ABI3: variants seen among roughly 807,000 people sequenced by gnomAD.
ABI3 encodes ABI gene family member 3.
Under a neutral mutation model 37.0 loss-of-function variants are expected in ABI3, and 24 were observed. The observed-to-expected ratio is 0.65, with a 90% CI of 0.47 to 0.91. The LOEUF (loss-of-function observed/expected upper bound fraction) is 0.91, where lower values mean the gene tolerates loss of function less well. Ranked by LOEUF, ABI3 falls within the 40% of genes least tolerant of loss-of-function variation. ABI3 has a pLI of 0.00. For synonymous variants in ABI3, 220 were observed against 211.8 expected (o/e 1.04, Z -0.34); for missense variants, 481 against 485.1 (o/e 0.99, Z 0.08).
In ABI3 at chr17:49,210,879, C is replaced by A. The variant is rs1006726595; in HGVS notation, c.117+38C>A. Reference sequence around the variant, plus strand: ...GGCGGAAGCCTGACACCCCAGCCCCCGGAGGGGGGACCCTGAGCCCTGCCC... The same window carrying A: ...GGCGGAAGCCTGACACCCCAGCCCCAGGAGGGGGGACCCTGAGCCCTGCCC... On this transcript the variant is annotated intron_variant, in intron 1 of 7. Transcript: ENST00000225941. This position sits in a 1 kb window ranked among gnomAD's most constrained non-coding sequence, Gnocchi z 4.2. 1.3e-6 allele frequency: 2 copies of A among 1,510,260 alleles called. No individual in the cohort carries two copies. Among genetic ancestry groups the A allele is most frequent in the East Asian group, 5.0e-5 (2 of 40,334 alleles). The allele number at this position is 1,510,260 out of a possible 1,614,324, so 93.6% of individuals were successfully genotyped here.
rs373914651 is a variant in ABI3 at position 49,219,635 on chromosome 17, C to T, written c.548+10C>T. On this transcript the variant is annotated intron_variant, in intron 4 of 7. Coordinates refer to ENST00000225941, the MANE Select transcript of ABI3 (RefSeq NM_016428.3). This position sits in a 1 kb window ranked among gnomAD's most constrained non-coding sequence, Gnocchi z 4.3. ...CCTCCGCCACCTTGGGGTGAGGCCT[C>T]GCCGCGACGCCAACTAGCCTAGCCC... 58 of 1,590,496 alleles carry T rather than the reference C, an allele frequency of 3.6e-5. No individual in the cohort carries two copies. The highest frequency in any genetic ancestry group is 3.3e-4 in the Middle Eastern group (2 of 6,036).
Position 49,210,811 on chromosome 17 carries a change from C to A in ABI3, c.87C>A (p.Val29=). 6.4e-7 allele frequency: 1 copy of A among 1,556,266 alleles called. No individual in the cohort carries two copies. Among genetic ancestry groups the A allele is most frequent in the South Asian group, 1.2e-5 (1 of 84,504 alleles). Residue 29 remains valine (V), a synonymous_variant, in exon 1 of 8, where the codon GTC becomes GTA. Transcript: ENST00000225941. The surrounding 1 kb of genome is among the most constrained non-coding windows in gnomAD (Gnocchi z 4.2). ...GCAACCACAGTGCCCTGCTGCGGGT[C>A]GCTGACTACTGCGAGGACAACTATG... The part of the protein sequence containing the change: ...LRGNHSALLR[V]ADYCEDNYVQ...
chr17:49,219,949 G>T lies in ABI3; in HGVS notation c.640G>T (p.Ala214Ser), dbSNP rs1457427664. ...AASSAFSLASAGSAEGVGGAP... is the reference protein window; with the variant it reads ...AASSAFSLASSGSAEGVGGAP... ...CTCCTCTGCGTTTTCCCTGGCCTCG[G>T]CCGGGTGAGACCTACAAGCCCACGT... Residue 214 changes from alanine (A) to serine (S), a missense_variant, in exon 5 of 8, where the codon GCC (alanine) becomes TCC (serine). By Grantham distance (99) the Ala-to-Ser change is moderately conservative. Coordinates refer to ENST00000225941, the MANE Select transcript of ABI3 (RefSeq NM_016428.3). This position sits in a 1 kb window ranked among gnomAD's most constrained non-coding sequence, Gnocchi z 4.3. 1 of 1,542,210 alleles carries T rather than the reference G, an allele frequency of 6.5e-7. No homozygotes were observed. Among genetic ancestry groups the T allele is most frequent in the Non-Finnish European group, 8.7e-7 (1 of 1,148,002 alleles).
chr17:49,220,222 C>T lies in ABI3; in HGVS notation c.698C>T (p.Pro233Leu), dbSNP rs2043268598. The change falls in exon 6 of 8, where the codon CCA (proline) becomes CTA (leucine). Residue 233 changes from proline to leucine, a missense_variant. By Grantham distance (98) the Pro-to-Leu change is moderately conservative. Coordinates refer to ENST00000225941, the MANE Select transcript of ABI3 (RefSeq NM_016428.3). ...APTPKGQAAP[P>L]APPLPSSLDP... Reference sequence around the variant, plus strand: ...ACGCCCAAGGGGCAGGCAGCACCTCCAGCCCCACCTCTCCCCAGCTCCTTG... The same window carrying T: ...ACGCCCAAGGGGCAGGCAGCACCTCTAGCCCCACCTCTCCCCAGCTCCTTG... The T allele has an allele frequency of 6.2e-7, 1 of 1,612,010 alleles. No homozygotes were observed. Among genetic ancestry groups the T allele is most frequent in the Non-Finnish European group, 8.5e-7 (1 of 1,179,814 alleles).
chr17:49,222,058 C>T, intron 6 of ABI3, 33 bp from the exon 7 acceptor site: 1 of 1,548,774 alleles, frequency 6.5e-7, no homozygotes, highest in Non-Finnish European at 8.7e-7. Flanking sequence ...GCTTCCTGTG[C>T]CACACTTACA....
In ABI3 at chr17:49,222,934, T is replaced by C. The variant is rs896812780; in HGVS notation, c.*219T>C. 2.5e-5 allele frequency: 15 copies of C among 604,974 alleles called. No homozygotes were observed. The highest frequency in any genetic ancestry group is 2.0e-4 in the African/African-American group (11 of 54,066). 37.5% of individuals were successfully genotyped at this position (604,974 alleles called of 1,614,324 possible). ...GGGGAAGAGCTGGAAACCAAGAAGT[T>C]TGTCAACAGAGGACCCCTACTCCAT... On this transcript the variant is annotated 3_prime_UTR_variant, in exon 8 of 8. Transcript: ENST00000225941.
chr17:49,217,992 G>A (rs995065292), intron 3 of ABI3, 77 bp downstream of exon 3: 2 of 1,381,756 alleles, frequency 1.4e-6, no homozygotes, highest in Non-Finnish European at 1.9e-6. Context: ...CAGAACCCCA[G>A]TTCTGCAAGT....
chr17:49,211,488 G>T (rs968643968), intron 1 of ABI3, among the ~76,000 whole-genome samples: 8 of 152,190 alleles, frequency 5.3e-5, no homozygotes, highest in African/African-American at 1.4e-4. Flanking sequence ...ATTCAGGGAG[G>T]AGAGGCAAGG....
chr17:49,213,588 C>T (rs1220295592), intron 1 of ABI3, among the ~76,000 whole-genome samples: 1 of 152,176 alleles, frequency 6.6e-6, no homozygotes, highest in Admixed American at 6.5e-5. Flanking sequence ...AGTTTACAGA[C>T]ACGGTAATTT....
At chr17:49,215,188 C>G (rs564146215) in intron 1 of ABI3, among the ~76,000 whole-genome samples, 1 of 152,050 alleles carries the variant, frequency 6.6e-6, no homozygotes, top group African/African-American at 2.4e-5. Context: ...GCCAAGGCCC[C>G]GAGGCAGAAA....
Position 49,216,708 on chromosome 17 carries a change from G to A in ABI3, c.285+10G>A, listed in dbSNP as rs571414095. 8.7e-5 allele frequency: 130 copies of A among 1,494,808 alleles called. 3 individuals are homozygous for A. The South Asian group carries it at 1.1e-3, about 13-fold the overall frequency. The allele number at this position is 1,494,808 out of a possible 1,614,324, so 92.6% of individuals were successfully genotyped here. A position where few individuals can be genotyped will look rare whatever the true frequency, so the allele number is the denominator to read the frequency against. On this transcript the variant is annotated intron_variant, in intron 2 of 7. Coordinates refer to ENST00000225941, the MANE Select transcript of ABI3 (RefSeq NM_016428.3). ...AAGCACGCTGGGCCAGGTAAGGGGC[G>A]TGGGGCGTGGGAAGGCATCTTGTGT...
rs768574847 is a variant in ABI3, at chr17:49,217,780, C to A, written c.327C>A (p.Ile109=). ...MHMEKVARRE[I]GTLATVQRLP... is the part of the protein sequence containing the mutation. Reference sequence around the variant, plus strand: ...TGGAGAAGGTGGCCCGAAGGGAGATCGGCACCTTAGCCACTGTCCAGCGGC... The same window carrying A: ...TGGAGAAGGTGGCCCGAAGGGAGATAGGCACCTTAGCCACTGTCCAGCGGC... Residue 109 remains isoleucine, a synonymous_variant, in exon 3 of 8, where the codon ATC becomes ATA. Coordinates refer to ENST00000225941, the MANE Select transcript of ABI3 (RefSeq NM_016428.3). 1.2e-6 allele frequency: 2 copies of A among 1,611,486 alleles called. No individual in the cohort carries two copies. Among genetic ancestry groups the A allele is most frequent in the Middle Eastern group, 1.7e-4 (1 of 6,056 alleles).
chr17:49,220,302 GA>G lies in ABI3; in HGVS notation c.779del (p.Glu260GlyfsTer55). On this transcript the variant is annotated frameshift_variant, in exon 6 of 8. Transcript: ENST00000225941. LOFTEE classifies it high-confidence loss of function. ...VEVFQRPPTL[E>X]ELSPPPPDEE... ...GGTGTTCCAGCGGCCTCCCACGCTGGAGGAGTTGTCCCCACCCCCACCGGGT... is the reference window on the plus strand; with the variant it reads ...GGTGTTCCAGCGGCCTCCCACGCTGGGGAGTTGTCCCCACCCCCACCGGGT... 6.3e-7 allele frequency: 1 copy of G among 1,595,746 alleles called. No homozygotes were observed. Among genetic ancestry groups the G allele is most frequent in the Non-Finnish European group, 8.5e-7 (1 of 1,171,564 alleles).
chr17:49,215,686 C>T (rs1388830083), intron 1 of ABI3, among the ~76,000 whole-genome samples: 8 of 151,828 alleles, frequency 5.3e-5, no homozygotes, highest in African/African-American at 1.9e-4. Context: ...TTAGTAGAGA[C>T]GAGGTTTTGC....
chr17:49,214,888 A>G (rs201564891), intron 1 of ABI3, among the ~76,000 whole-genome samples: 1 of 152,204 alleles, frequency 6.6e-6, no homozygotes, highest in East Asian at 1.9e-4. Flanking sequence ...GTGCATATTT[A>G]TGAAGAATCT....
intron 1 of ABI3, among the ~76,000 whole-genome samples, chr17:49,214,536 G>A (rs957931833): frequency 7.2e-5 from 11 of 152,094 alleles, no homozygotes. Context: ...TGGAGAAACC[G>A]CATCTCTACT....
chr17:49,218,164 C>T (rs1026296408), intron 3 of ABI3, among the ~76,000 whole-genome samples: 10 of 152,222 alleles, frequency 6.6e-5, no homozygotes, highest in Admixed American at 1.3e-4. Context: ...CTCGCCCCCC[C>T]GCCCTGCCCC....
At chr17:49,220,461 G>A (rs1405859491) in intron 6 of ABI3, 135 bp downstream of exon 6, 3 of 1,162,282 alleles carry the variant, frequency 2.6e-6, no homozygotes, top group Non-Finnish European at 3.6e-6. Flanking sequence ...GCACAGGGGC[G>A]AAAGGAGACA....
At chr17:49,216,835 C>G (rs2043223865) in intron 2 of ABI3, 137 bp downstream of exon 2, 1 of 1,099,686 alleles carries the variant, frequency 9.1e-7, no homozygotes, top group East Asian at 3.2e-5. Flanking sequence ...AGAAGGTTGG[C>G]ACTTCCCAAG....
Sources: gnomAD v4.1 joint callset for allele counts (sites outside exome capture counted in the v4.1 genomes callset) on GRCh38, gnomAD v4.1.1 for gene constraint, Gnocchi (gnomAD v3.1) non-coding constraint, MANE v1.5 for transcripts, NCBI Gene and HGNC (gene_info 2026-07-23, HGNC 2026-07-21) for gene names.